TCEA1: variants seen among roughly 807,000 people sequenced by gnomAD.
TCEA1 encodes transcription elongation factor A protein 1.
TCEA1 carries 21 observed loss-of-function variants against 43.8 expected under a neutral mutation model. That is an observed-to-expected ratio of 0.48 (90% CI 0.34 to 0.69). The LOEUF is 0.69. Among genes scored for constraint, TCEA1 ranks in the 30% least tolerant of loss-of-function variants. The pLI, the probability that TCEA1 is intolerant of heterozygous loss-of-function variation, is 0.01. For missense variants in TCEA1, 250 were observed against 365.1 expected (o/e 0.68, Z 2.57); for synonymous variants, 104 against 117.5 (o/e 0.88, Z 0.75).
chr8:53,992,339 A>T lies in TCEA1; in HGVS notation c.320+1329T>A, dbSNP rs528307584. 2.7e-5 allele frequency among the ~76,000 whole-genome samples: 4 copies of T among 147,638 alleles called. No homozygotes were observed. The South Asian group carries it at 8.8e-4, about 32-fold the overall frequency. On this transcript the variant is annotated intron_variant, in intron 4 of 9. Transcript: ENST00000521604. ...AAATAAAAAATAAAAAACCCCAGGC[A>T]CAGTGGCTCACGCCTGTAATCCCAG...
At chr8:53,982,345 C>A (rs151170824) in intron 7 of TCEA1, among the ~76,000 whole-genome samples, 5 of 152,004 alleles carry the variant, frequency 3.3e-5, no homozygotes, top group African/African-American at 1.2e-4. Context: ...CGGTGGCTCA[C>A]GCCTGTAATC....
intron 6 of TCEA1, among the ~76,000 whole-genome samples, chr8:53,986,654 C>T (rs117142654): frequency 5.0e-3 from 767 of 152,290 alleles, no homozygotes; most frequent in Admixed American, 0.013. Flanking sequence ...TTCCAAAGAG[C>T]CAGGTCCTTT....
intron 8 of TCEA1, among the ~76,000 whole-genome samples, chr8:53,977,329 G>C (rs1376691699): frequency 6.6e-6 from 1 of 151,932 alleles, no homozygotes; most frequent in Non-Finnish European, 1.5e-5. Context: ...CAAAGAAAAA[G>C]GAAAACAAAA....
intron 1 of TCEA1, among the ~76,000 whole-genome samples, chr8:54,017,407 T>C (rs1804867201): frequency 6.6e-6 from 1 of 152,214 alleles, no homozygotes; most frequent in South Asian, 2.1e-4. Flanking sequence ...ACAAAGAGGA[T>C]GAAGACCTTT....
intron 2 of TCEA1, among the ~76,000 whole-genome samples, chr8:54,009,932 C>G (rs1804597381): frequency 6.6e-6 from 1 of 151,986 alleles, no homozygotes; most frequent in South Asian, 2.1e-4. Flanking sequence ...ACATATACCC[C>G]CTTAAACATC....
intron 2 of TCEA1, among the ~76,000 whole-genome samples, chr8:54,003,985 T>C (rs1804360074): frequency 6.7e-6 from 1 of 150,184 alleles, no homozygotes; most frequent in South Asian, 2.1e-4. Context: ...AGGATCTGGA[T>C]AGACATTTCT....
chr8:54,001,309 G>A (rs1190137818), intron 2 of TCEA1, among the ~76,000 whole-genome samples: 2 of 152,148 alleles, frequency 1.3e-5, no homozygotes, highest in African/African-American at 4.8e-5. Flanking sequence ...CCTATTGTAA[G>A]CTTTACGGTA....
intron 8 of TCEA1, among the ~76,000 whole-genome samples, chr8:53,975,437 A>G (rs1269395629): frequency 6.6e-6 from 1 of 152,228 alleles, no homozygotes; most frequent in Non-Finnish European, 1.5e-5. Flanking sequence ...AGGTATCTGT[A>G]CACTTAAGTT....
At chr8:53,997,550 G>T (rs1213337138) in intron 3 of TCEA1, among the ~76,000 whole-genome samples, 1 of 152,130 alleles carries the variant, frequency 6.6e-6, no homozygotes, top group Non-Finnish European at 1.5e-5. Context: ...TGTACAACCT[G>T]ATCTAATCAT....
In TCEA1 at chr8:53,973,108, T is replaced by C. The variant is rs3209642; in HGVS notation, c.826-2645A>G. ...TCCTCTAGCGAAAATGAAGAGGAGA[T>C]AGAAGAGGAGCTACAAGGTGATGAT... On this transcript the variant is annotated intron_variant, in intron 8 of 9. Coordinates refer to ENST00000521604, the MANE Select transcript of TCEA1 (RefSeq NM_006756.4). 991 of 637,312 alleles carry C rather than the reference T, an allele frequency of 1.6e-3. 11 individuals carry two copies. The highest frequency in any genetic ancestry group is 3.3e-3 in the Middle Eastern group (9 of 2,694). The allele number at this position is 637,312 out of a possible 1,614,324, so 39.5% of individuals were successfully genotyped here.
intron 8 of TCEA1, among the ~76,000 whole-genome samples, chr8:53,975,204 A>C (rs1803292343): frequency 6.6e-6 from 1 of 152,338 alleles, no homozygotes; most frequent in Non-Finnish European, 1.5e-5. Flanking sequence ...AGAGCATAAA[A>C]TAGTTTTTAC....
chr8:53,970,430 T>C lies in TCEA1; in HGVS notation c.859A>G (p.Thr287Ala). Reference sequence around the variant, plus strand: ...CCACATTCATTACAGACAACAAATGTTGTCATTGGTTCATCAGCACTACGG... The same window carrying C: ...CCACATTCATTACAGACAACAAATGCTGTCATTGGTTCATCAGCACTACGG... ...QTRSADEPMT[T>A]FVVCNECGNR... The change falls in exon 9 of 10, where the codon ACA (threonine) becomes GCA (alanine). Residue 287 changes from threonine (T) to alanine (A), a missense_variant. By Grantham distance (58) the Thr-to-Ala change is moderately conservative. Transcript: ENST00000521604. The C allele has an allele frequency of 6.2e-7, 1 of 1,611,538 alleles. No homozygotes were observed. The highest frequency in any genetic ancestry group is 8.5e-7 in the Non-Finnish European group (1 of 1,178,546).
intron 3 of TCEA1, chr8:53,999,720 C>A (rs1258797422): frequency 2.2e-6 from 1 of 458,698 alleles, no homozygotes. Context: ...AAGAGTTTAT[C>A]CAGTTGTGTC....
chr8:53,998,315 T>C (rs1247619494), intron 3 of TCEA1, among the ~76,000 whole-genome samples: 2 of 152,218 alleles, frequency 1.3e-5, no homozygotes, highest in East Asian at 1.9e-4. Context: ...GGAAGCTGGA[T>C]AAAGGGTACA....
intron 2 of TCEA1, among the ~76,000 whole-genome samples, chr8:54,001,702 G>T (rs1327054412): frequency 6.6e-6 from 1 of 152,168 alleles, no homozygotes; most frequent in Non-Finnish European, 1.5e-5. Context: ...ATTGTGTACT[G>T]CTGGGTGATT....
At chr8:53,981,911 T>C (rs888733642) in intron 7 of TCEA1, among the ~76,000 whole-genome samples, 2 of 149,958 alleles carry the variant, frequency 1.3e-5, no homozygotes, top group Non-Finnish European at 1.5e-5. Context: ...CACCACACCA[T>C]GCCCAGCTAA....
chr8:53,975,290 TTTGGAAGGCAGCTTA>T (rs1276935459), intron 8 of TCEA1, among the ~76,000 whole-genome samples: 1 of 152,222 alleles, frequency 6.6e-6, no homozygotes. Flanking sequence ...AATTGTTCTC[TTTGGAAGGCAGCTTA>T]ATGGATGACT....
chr8:53,977,786 A>G (rs926188825), intron 8 of TCEA1, among the ~76,000 whole-genome samples: 1 of 152,150 alleles, frequency 6.6e-6, no homozygotes, highest in Non-Finnish European at 1.5e-5. Flanking sequence ...TAAAAAGGCT[A>G]GTCATATCGT....
chr8:54,002,953 C>G (rs1804317879), intron 2 of TCEA1: 1 of 456,084 alleles, frequency 2.2e-6, no homozygotes, highest in Admixed American at 2.4e-5. Context: ...GATGGAAAAG[C>G]AGAAAGGAAT....
Sources: gnomAD v4.1 joint callset for allele counts (sites outside exome capture counted in the v4.1 genomes callset) on GRCh38, gnomAD v4.1.1 for gene constraint, MANE v1.5 for transcripts, NCBI Gene and HGNC (gene_info 2026-07-23, HGNC 2026-07-21) for gene names.